Variants in DACH2 observed in about 807,000 individuals in gnomAD.
DACH2 encodes dachshund family transcription factor 2, also known as dachshund homolog 2.
Under a neutral mutation model 35.8 loss-of-function variants are expected in DACH2, and 17 were observed. That is an observed-to-expected ratio of 0.48 (90% CI 0.33 to 0.71). The LOEUF (loss-of-function observed/expected upper bound fraction) is 0.71, where lower values mean the gene tolerates loss of function less well. Among genes scored for constraint, DACH2 ranks in the 30% least tolerant of loss-of-function variants. The pLI, the probability that DACH2 is intolerant of heterozygous loss-of-function variation, is 0.02. For missense variants in DACH2, 469 were observed against 472.7 expected (o/e 0.99, Z 0.07); for synonymous variants, 195 against 177.3 (o/e 1.10, Z -0.79).
chrX:86,180,811 C>G (rs1312982345), intron 1 of DACH2, among the ~76,000 whole-genome samples: 1 of 111,706 alleles, frequency 9.0e-6, no homozygotes, highest in Admixed American at 9.6e-5. Flanking sequence ...GCCAATGAGT[C>G]TAACGTATTG....
At chrX:86,449,097 A>G (rs2148193231) in intron 2 of DACH2, among the ~76,000 whole-genome samples, 1 of 17,322 alleles carries the variant, frequency 5.8e-5, no homozygotes, top group South Asian at 2.8e-3. Flanking sequence ...AGGTGTTTGT[A>G]GTATTCTCTG....
At chrX:86,717,610 A>G (rs1204129691) in intron 6 of DACH2, among the ~76,000 whole-genome samples, 1 of 108,584 alleles carries the variant, frequency 9.2e-6, no homozygotes, top group Non-Finnish European at 1.9e-5. Context: ...AAAATTACCC[A>G]TGAAATGTAG....
chrX:86,248,479 G>A (rs368358594), intron 1 of DACH2, among the ~76,000 whole-genome samples: 15 of 110,806 alleles, frequency 1.4e-4, no homozygotes, highest in Non-Finnish European at 1.7e-4. Flanking sequence ...CTAGGAATAC[G>A]CAAATGAGGA....
At chrX:86,466,638 T>C (rs954409544) in intron 2 of DACH2, among the ~76,000 whole-genome samples, 17 of 111,978 alleles carry the variant, frequency 1.5e-4, no homozygotes, top group Non-Finnish European at 3.8e-5. Flanking sequence ...GCTAGTTACT[T>C]CTTAGGTACA....
At chrX:86,742,135 C>T (rs1250927563) in intron 7 of DACH2, among the ~76,000 whole-genome samples, 1 of 110,406 alleles carries the variant, frequency 9.1e-6, no homozygotes, top group Non-Finnish European at 1.9e-5. Context: ...TAATTAGGCT[C>T]TATATGCACA....
At chrX:86,174,196 A>G (rs764545298) in intron 1 of DACH2, among the ~76,000 whole-genome samples, 23 of 103,079 alleles carry the variant, frequency 2.2e-4, no homozygotes, top group Non-Finnish European at 3.9e-4. Context: ...GATCATCGCT[A>G]ACTGTAGCCT....
chrX:86,556,793 TATAGAGAGAG>T (rs1486071306), intron 3 of DACH2, among the ~76,000 whole-genome samples: 12 of 33,044 alleles, frequency 3.6e-4, no homozygotes, highest in East Asian at 3.5e-3. Flanking sequence ...TATATATATA[TATAGAGAGAG>T]AGAGAGAGAG....
intron 3 of DACH2, among the ~76,000 whole-genome samples, chrX:86,619,369 C>G (rs1316750942): frequency 9.0e-6 from 1 of 111,603 alleles, no homozygotes; most frequent in Non-Finnish European, 1.9e-5. Flanking sequence ...AACCTTTAAC[C>G]CAGTATTCCT....
At chrX:86,587,803 G>C (rs2039593795) in intron 3 of DACH2, among the ~76,000 whole-genome samples, 1 of 111,549 alleles carries the variant, frequency 9.0e-6, no homozygotes, top group Non-Finnish European at 1.9e-5. Flanking sequence ...GCAAATATTT[G>C]CTTCTATTCT....
At chrX:86,235,156 GT>G (rs757166014) in intron 1 of DACH2, among the ~76,000 whole-genome samples, 1 of 111,485 alleles carries the variant, frequency 9.0e-6, no homozygotes, top group Non-Finnish European at 1.9e-5. Flanking sequence ...TTTGTCTGAT[GT>G]TTTTCTGATG....
intron 2 of DACH2, among the ~76,000 whole-genome samples, chrX:86,512,316 A>G (rs1382396732): frequency 9.1e-6 from 1 of 110,441 alleles, no homozygotes; most frequent in African/African-American, 3.3e-5. Context: ...TTTTTTTTCA[A>G]ATCTTCACCT....
intron 3 of DACH2, among the ~76,000 whole-genome samples, chrX:86,529,815 A>T (rs1056837984): frequency 1.8e-5 from 2 of 110,628 alleles, no homozygotes; most frequent in African/African-American, 3.3e-5. Flanking sequence ...AGAACATGTG[A>T]TGTTTGCCTT....
intron 7 of DACH2, among the ~76,000 whole-genome samples, chrX:86,766,939 C>T (rs2041941144): frequency 3.6e-5 from 4 of 110,858 alleles, no homozygotes; most frequent in South Asian, 7.6e-4. Context: ...GCAAATCAGC[C>T]TCTCATTTGC....
intron 3 of DACH2, among the ~76,000 whole-genome samples, chrX:86,617,539 G>C (rs765154): frequency 0.19 from 20,897 of 110,379 alleles, 1,486 homozygotes; most frequent in South Asian, 0.37. Flanking sequence ...TATGTAACTG[G>C]TTACTGTTTC....
intron 1 of DACH2, among the ~76,000 whole-genome samples, chrX:86,241,559 C>T (rs2147942453): frequency 8.9e-6 from 1 of 112,088 alleles, no homozygotes; most frequent in Non-Finnish European, 1.9e-5. Context: ...GCAGCATGAT[C>T]ATGAGGTAGA....
At chrX:86,511,452 A>T (rs1276390854) in intron 2 of DACH2, among the ~76,000 whole-genome samples, 6 of 111,801 alleles carry the variant, frequency 5.4e-5, no homozygotes, top group African/African-American at 1.6e-4. Flanking sequence ...CAAGTTTGGA[A>T]GCAGGGATCT....
intron 2 of DACH2, among the ~76,000 whole-genome samples, chrX:86,427,337 T>C (rs1490214048): frequency 1.8e-5 from 2 of 111,455 alleles, no homozygotes; most frequent in Non-Finnish European, 3.8e-5. Context: ...ATTAAGAATT[T>C]GAGGATCTGA....
At chrX:86,296,035 A>T (rs2034446316) in intron 1 of DACH2, among the ~76,000 whole-genome samples, 1 of 110,934 alleles carries the variant, frequency 9.0e-6, no homozygotes, top group Admixed American at 9.7e-5. Context: ...AAAATTTTGG[A>T]TGCAATAATA....
At chrX:86,578,599 G>T (rs369817036) in intron 3 of DACH2, among the ~76,000 whole-genome samples, 2 of 111,641 alleles carry the variant, frequency 1.8e-5, no homozygotes, top group East Asian at 2.8e-4. Flanking sequence ...TTGTTGTGTG[G>T]ACTGGTAGGT....
Sources: allele counts gnomAD v4.1 joint callset (sites outside exome capture counted in the v4.1 genomes callset), GRCh38; gene constraint gnomAD v4.1.1; transcripts MANE v1.5; gene names NCBI Gene and HGNC (gene_info 2026-07-23, HGNC 2026-07-21).